Variants in CDH26 observed in about 807,000 individuals in gnomAD.
CDH26 encodes cadherin 26, also known as cadherin-like protein 26.
Under a neutral mutation model 90.3 loss-of-function variants are expected in CDH26, and 83 were observed. The observed-to-expected ratio is 0.92, with a 90% CI of 0.77 to 1.10. The LOEUF (loss-of-function observed/expected upper bound fraction) is 1.10. Among genes scored for constraint, CDH26 ranks in the 50% least tolerant of loss-of-function variants. The pLI is 0.00. For synonymous variants in CDH26, 397 were observed against 396.3 expected (o/e 1.00, Z -0.02); for missense variants, 1,013 against 1,037.6 (o/e 0.98, Z 0.33).
chr20:59,966,854 C>T (rs1438042536), intron 1 of CDH26, among the ~76,000 whole-genome samples: 1 of 152,096 alleles, frequency 6.6e-6, no homozygotes. Flanking sequence ...AAATGACCAT[C>T]ACTAGGAGAA....
chr20:60,025,000 CT>C (rs1457373709), intron 7 of CDH26, among the ~76,000 whole-genome samples: 1 of 152,156 alleles, frequency 6.6e-6, no homozygotes, highest in Non-Finnish European at 1.5e-5. Context: ...GGCTGCCGAC[CT>C]GAAGGGGGAC....
rs1219973835 is a variant in CDH26, at chr20:59,992,721, G to C, written c.1426+201G>C. On this transcript the variant is annotated intron_variant, in intron 10 of 17. Transcript: ENST00000348616. This position sits in a 1 kb window ranked among gnomAD's most constrained non-coding sequence, Gnocchi z 5.0. ...GGACCAATACCATCGAAAGAGGGCA[G>C]TATTCATTCAGAAGAGACAATTAAA... Among the ~76,000 whole-genome samples the C allele has an allele frequency of 1.3e-5, 2 of 152,198 alleles. No homozygotes were observed. Among genetic ancestry groups the C allele is most frequent in the Non-Finnish European group, 2.9e-5 (2 of 68,030 alleles).
chr20:59,990,786 G>T (rs1241887218), intron 9 of CDH26, among the ~76,000 whole-genome samples: 1 of 152,084 alleles, frequency 6.6e-6, no homozygotes, highest in Non-Finnish European at 1.5e-5. Flanking sequence ...AGAAGTAGCT[G>T]TCAAACTATA....
In CDH26 at chr20:60,029,847, G is replaced by A. The variant is rs371959301; in HGVS notation, c.948-1384G>A. 2.6e-4 allele frequency among the ~76,000 whole-genome samples: 40 copies of A among 152,016 alleles called. No individual in the cohort carries two copies. In the South Asian group the frequency reaches 3.3e-3, roughly 13 times the overall value. ...TTTTTACGGCTGCATAGTATTCCAC[G>A]GTGTATATGTGCACATTTAAACATT... On this transcript the variant is annotated intron_variant, in intron 7 of 8. Transcript: ENST00000370991.
intron 17 of CDH26, among the ~76,000 whole-genome samples, chr20:60,011,169 G>A (rs1479763453): frequency 6.6e-6 from 1 of 152,216 alleles, no homozygotes; most frequent in Non-Finnish European, 1.5e-5. Flanking sequence ...ATACTGCCGA[G>A]CATTTGAGAG....
Position 59,970,162 on chromosome 20 carries a change from A to T in CDH26, c.207A>T (p.Gly69=). The T allele has an allele frequency of 6.2e-7, 1 of 1,613,946 alleles. No individual in the cohort carries two copies. Among genetic ancestry groups the T allele is most frequent in the Non-Finnish European group, 8.5e-7 (1 of 1,179,940 alleles). The change falls in exon 3 of 18, where the codon GGA becomes GGT. Residue 69 remains glycine, a synonymous_variant. Coordinates refer to ENST00000348616, the MANE Select transcript of CDH26 (RefSeq NM_177980.4). ...TGGAGCTGGAGGAGGAAGACCCGGG[A>T]CCCTTTCCCAAACTCATTGGTGAGG... ...TTLELEEEDP[G]PFPKLIGELF...
chr20:59,986,580 C>T (rs570255352), intron 7 of CDH26, among the ~76,000 whole-genome samples: 119 of 150,742 alleles, frequency 7.9e-4, no homozygotes, highest in African/African-American at 2.6e-3. Context: ...TAGTAGTGTT[C>T]TACTTAATCA....
chr20:60,004,731 A>T (rs961251837), intron 16 of CDH26, among the ~76,000 whole-genome samples: 3 of 144,714 alleles, frequency 2.1e-5, no homozygotes, highest in African/African-American at 5.3e-5. Context: ...GCGCCACTGC[A>T]CTCCAGCCTG....
intron 17 of CDH26, among the ~76,000 whole-genome samples, chr20:60,011,566 G>A: frequency 6.6e-6 from 1 of 152,176 alleles, no homozygotes; most frequent in East Asian, 1.9e-4. Context: ...GGATTTGAAG[G>A]CCAGTTCCCA....
At chr20:59,989,534 C>CAAAAAAA in intron 9 of CDH26, among the ~76,000 whole-genome samples, 1 of 74,888 alleles carries the variant, frequency 1.3e-5, no homozygotes, top group Admixed American at 1.5e-4. Context: ...GACTCCGTCT[C>CAAAAAAA]AAAAAAAAAA....
intron 1 of CDH26, among the ~76,000 whole-genome samples, chr20:59,962,370 G>A (rs535928198): frequency 1.3e-5 from 2 of 152,316 alleles, no homozygotes; most frequent in South Asian, 2.1e-4. Flanking sequence ...GCCAAAATCC[G>A]TCTGAGACTG....
At chr20:59,989,864 G>T (rs1347461357) in intron 9 of CDH26, among the ~76,000 whole-genome samples, 5 of 152,028 alleles carry the variant, frequency 3.3e-5, no homozygotes, top group Non-Finnish European at 5.9e-5. Flanking sequence ...TTTGTAAATT[G>T]TGGTAAAATA....
intron 1 of CDH26, among the ~76,000 whole-genome samples, chr20:59,967,906 T>TC (rs2061185640): frequency 1.0e-5 from 1 of 100,232 alleles, no homozygotes; most frequent in African/African-American, 5.8e-5. Context: ...CCTTCCTTCC[T>TC]TCCTTTCCTT....
intron 1 of CDH26, among the ~76,000 whole-genome samples, chr20:59,963,668 A>C (rs2061107321): frequency 6.6e-6 from 1 of 152,144 alleles, no homozygotes; most frequent in Non-Finnish European, 1.5e-5. Flanking sequence ...CACACTGGCC[A>C]GGACAGCAGG....
intron 4 of CDH26, among the ~76,000 whole-genome samples, chr20:59,978,480 AT>A (rs1366576551): frequency 2.0e-5 from 3 of 150,474 alleles, no homozygotes; most frequent in Non-Finnish European, 2.9e-5. Context: ...GGTTCAAGTG[AT>A]TCTTCCACCT....
In CDH26 at chr20:59,985,329, C is replaced by T. The variant is rs572092495; in HGVS notation, c.837+200C>T. On this transcript the variant is annotated intron_variant, in intron 7 of 17. Transcript: ENST00000348616. The stretch of plus-strand genomic sequence containing the variant: ...TTTACAGGAAGCCTGGGGCTGGCAC[C>T]GGCTCAGCTTCTAGGGAGGCCTCAG... 7.9e-5 allele frequency among the ~76,000 whole-genome samples: 12 copies of T among 152,170 alleles called. No homozygotes were observed. In the East Asian group the frequency reaches 1.9e-3, roughly 25 times the overall value.
intron 7 of CDH26, 129 bp from the exon 8 acceptor site, chr20:59,987,324 A>T (rs1169655084): frequency 1.3e-6 from 1 of 751,120 alleles, no homozygotes; most frequent in Admixed American, 3.0e-5. Flanking sequence ...GGGTGTTGTG[A>T]TGAGGAGCAA....
In CDH26 at chr20:59,995,963, T is replaced by C. The variant is rs1386024007; in HGVS notation, c.1797T>C (p.Ser599=). ...ATGTAAGGATCTGCCCCTGTGCCAG[T>C]GGGCTCACATGTGTGGAGCTTGCAG... is the stretch of plus-strand genomic sequence containing the variant. The part of the protein sequence containing the change: ...TVHVRICPCA[S]GLTCVELADA... Residue 599 remains serine (S), a synonymous_variant, in exon 12 of 18, where the codon AGT becomes AGC. Transcript: ENST00000348616. 2 of 1,614,210 alleles carry C rather than the reference T, an allele frequency of 1.2e-6. 1 individual carries two copies. The highest frequency in any genetic ancestry group is 3.3e-5 in the Admixed American group (2 of 60,024).
downstream of CDH26, among the ~76,000 whole-genome samples, chr20:60,016,572 A>T (rs1268544253): frequency 1.3e-5 from 2 of 150,974 alleles, no homozygotes; most frequent in East Asian, 1.9e-4. Flanking sequence ...GGACAATTTG[A>T]CTTCCTCCTT....
Sources: gnomAD v4.1 joint callset for allele counts (sites outside exome capture counted in the v4.1 genomes callset) on GRCh38, gnomAD v4.1.1 for gene constraint, Gnocchi (gnomAD v3.1) non-coding constraint, MANE v1.5 for transcripts, NCBI Gene and HGNC (gene_info 2026-07-23, HGNC 2026-07-21) for gene names.